The following CFAP61 variants were observed in gnomAD, a reference collection of about 807,000 sequenced individuals.
The protein encoded by CFAP61 is cilia and flagella associated protein 61.
CFAP61 carries 107 observed loss-of-function variants against 135.6 expected under a neutral mutation model. The ratio of observed to expected loss-of-function variants is 0.79; its 90% confidence interval spans 0.67 to 0.93. The LOEUF (loss-of-function observed/expected upper bound fraction) is 0.93. CFAP61 is among the 40% of genes least tolerant of loss of function. CFAP61 has a pLI of 0.00. For missense variants in CFAP61, 1,507 were observed against 1,556.2 expected (o/e 0.97, Z 0.53); for synonymous variants, 575 against 578.5 (o/e 0.99, Z 0.09).
In CFAP61 at chr20:20,052,585, G is replaced by T. The variant is rs752125657; in HGVS notation, c.-43G>T. ...GTGGAGTGCGGCGTCCTGGAGCTGC[G>T]GATGAGGTGGGTAACGCCGTGCTGA... On this transcript the variant is annotated 5_prime_UTR_variant, in exon 1 of 27. Transcript: ENST00000245957. 1.9e-6 allele frequency: 3 copies of T among 1,613,842 alleles called. No homozygotes were observed. Among genetic ancestry groups the T allele is most frequent in the Non-Finnish European group, 8.5e-7 (1 of 1,179,884 alleles).
intron 20 of CFAP61, among the ~76,000 whole-genome samples, chr20:20,261,175 T>C (rs2052161455): frequency 6.6e-6 from 1 of 152,254 alleles, no homozygotes; most frequent in South Asian, 2.1e-4. Context: ...TTTTGCTGTT[T>C]CATTTTAATT....
Position 20,158,010 on chromosome 20 carries a change from A to G in CFAP61, c.952-1360A>G, listed in dbSNP as rs138256140. On this transcript the variant is annotated intron_variant, in intron 9 of 26. Transcript: ENST00000245957. Reference sequence around the variant, plus strand: ...GCAAGAACAAAAAACCAAACACCGCATATTCTCACTCATAGGTGGGAATTG... The same window carrying G: ...GCAAGAACAAAAAACCAAACACCGCGTATTCTCACTCATAGGTGGGAATTG... Among the ~76,000 whole-genome samples, 463 of 151,656 alleles carry G rather than the reference A, an allele frequency of 3.1e-3. 5 individuals are homozygous for G. The highest frequency in any genetic ancestry group is 8.8e-3 in the African/African-American group (363 of 41,364).
At chr20:20,205,095 A>G (rs1372450508) in intron 17 of CFAP61, among the ~76,000 whole-genome samples, 3 of 152,114 alleles carry the variant, frequency 2.0e-5, no homozygotes, top group Non-Finnish European at 2.9e-5. Flanking sequence ...ATAAGTGTCT[A>G]TTATATGAAT....
At chr20:20,302,949 G>A (rs1244405476) in intron 25 of CFAP61, among the ~76,000 whole-genome samples, 1 of 152,076 alleles carries the variant, frequency 6.6e-6, no homozygotes, top group East Asian at 1.9e-4. Flanking sequence ...ACTACGTTTT[G>A]GTAAGTGTCA....
At chr20:20,218,683 A>T (rs1569147876) in intron 17 of CFAP61, among the ~76,000 whole-genome samples, 1 of 152,130 alleles carries the variant, frequency 6.6e-6, no homozygotes, top group East Asian at 1.9e-4. Context: ...CTGTCCCCCA[A>T]CCTAATGAGA....
intron 2 of CFAP61, among the ~76,000 whole-genome samples, chr20:20,069,534 C>T (rs965195943): frequency 2.6e-5 from 4 of 152,160 alleles, no homozygotes; most frequent in Non-Finnish European, 4.4e-5. Context: ...CCACCTTGGC[C>T]TCCCAAAATG....
chr20:20,355,720 G>A (rs1255351257), intron 26 of CFAP61, among the ~76,000 whole-genome samples: 1 of 144,612 alleles, frequency 6.9e-6, no homozygotes, highest in East Asian at 2.2e-4. Context: ...ACACTGTGAG[G>A]GGAGGTCACA....
chr20:20,299,472 A>C (rs2055900421), intron 25 of CFAP61, among the ~76,000 whole-genome samples: 1 of 152,224 alleles, frequency 6.6e-6, no homozygotes, highest in East Asian at 1.9e-4. Flanking sequence ...GATGATGTGT[A>C]AACAAAAAGA....
At chr20:20,081,653 A>C (rs6046602) in intron 6 of CFAP61, among the ~76,000 whole-genome samples, 100,657 of 151,932 alleles carry the variant, frequency 0.66, 33,588 homozygotes, top group East Asian at 0.82. Flanking sequence ...CCTTTCCTAC[A>C]CCCCTTCCTT....
intron 20 of CFAP61, among the ~76,000 whole-genome samples, chr20:20,261,891 T>G (rs2052261979): frequency 6.6e-6 from 1 of 152,112 alleles, no homozygotes; most frequent in African/African-American, 2.4e-5. Flanking sequence ...TACTGTTACT[T>G]TCCTTACAGT....
rs1267871854 is a variant in CFAP61 at position 20,360,573 on chromosome 20, T to C, written c.*163T>C. 6 of 632,112 alleles carry C rather than the reference T, an allele frequency of 9.5e-6. No homozygotes were observed. Among genetic ancestry groups the C allele is most frequent in the Non-Finnish European group, 1.6e-5 (6 of 365,258 alleles). 39.2% of individuals were successfully genotyped at this position (632,112 alleles called of 1,614,324 possible). A position where few individuals can be genotyped will look rare whatever the true frequency, so the allele number is the denominator to read the frequency against. ...CCTGACTTATGCCTGTAGTTTTCTA[T>C]CATCCCAGTAGGTGGCACACGGCCG... On this transcript the variant is annotated 3_prime_UTR_variant, in exon 27 of 27. Transcript: ENST00000245957.
chr20:20,230,033 T>C (rs1039416464), intron 18 of CFAP61, among the ~76,000 whole-genome samples: 3 of 149,082 alleles, frequency 2.0e-5, no homozygotes, highest in African/African-American at 7.3e-5. Context: ...AGTTAAGAAG[T>C]TATAAACAGG....
intron 9 of CFAP61, among the ~76,000 whole-genome samples, chr20:20,146,938 T>C (rs1000577377): frequency 1.3e-5 from 2 of 152,192 alleles, no homozygotes; most frequent in African/African-American, 4.8e-5. Flanking sequence ...GTCCATTATA[T>C]CACTCTTACG....
intron 8 of CFAP61, among the ~76,000 whole-genome samples, chr20:20,133,315 A>G (rs1300607128): frequency 2.6e-5 from 4 of 152,138 alleles, no homozygotes; most frequent in Non-Finnish European, 4.4e-5. Context: ...GTCTACTCAC[A>G]TGTCTTGGAG....
intron 4 of CFAP61, 81 bp from the exon 5 acceptor site, chr20:20,075,108 G>A: frequency 7.6e-7 from 1 of 1,314,934 alleles, no homozygotes; most frequent in South Asian, 1.2e-5. Flanking sequence ...CCTTTTTAGT[G>A]ACAGCATTTG....
At chr20:20,308,115 G>T (rs2056587026) in intron 25 of CFAP61, among the ~76,000 whole-genome samples, 1 of 152,174 alleles carries the variant, frequency 6.6e-6, no homozygotes, top group Non-Finnish European at 1.5e-5. Context: ...GTGACAAGTG[G>T]CGACCATATC....
chr20:20,313,127 T>A (rs1357768024), intron 25 of CFAP61, among the ~76,000 whole-genome samples: 6 of 152,150 alleles, frequency 3.9e-5, no homozygotes, highest in Non-Finnish European at 8.8e-5. Context: ...TTTAATGAGA[T>A]CATAAGGATG....
intron 9 of CFAP61, among the ~76,000 whole-genome samples, chr20:20,147,325 G>A (rs947928920): frequency 1.3e-5 from 2 of 152,214 alleles, no homozygotes; most frequent in African/African-American, 4.8e-5. Flanking sequence ...TCTCCAAACT[G>A]TTGTCCATAG....
In CFAP61 at chr20:20,090,755, T is replaced by C. The variant is rs1279799610; in HGVS notation, c.567-89T>C. On this transcript the variant is annotated intron_variant, in intron 6 of 26. Transcript: ENST00000245957. Reference sequence around the variant, plus strand: ...ATGAGTGTTGCTCTAGCCCCGGCACTTAGAACAGGGTCTGGCACACAGTTG... The same window carrying C: ...ATGAGTGTTGCTCTAGCCCCGGCACCTAGAACAGGGTCTGGCACACAGTTG... 5.3e-6 allele frequency: 7 copies of C among 1,320,630 alleles called. No individual in the cohort carries two copies. In the Admixed American group the frequency reaches 1.3e-4, roughly 25 times the overall value. The allele number at this position is 1,320,630 out of a possible 1,614,324, so 81.8% of individuals were successfully genotyped here.
Sources: gnomAD v4.1 joint callset for allele counts (sites outside exome capture counted in the v4.1 genomes callset) on GRCh38, gnomAD v4.1.1 for gene constraint, MANE v1.5 for transcripts, NCBI Gene and HGNC (gene_info 2026-07-23, HGNC 2026-07-21) for gene names.